EGFR: variants seen among roughly 807,000 people sequenced by gnomAD.
EGFR encodes epidermal growth factor receptor, also known as avian erythroblastic leukemia viral (v-erb-b) oncogene homolog.
A neutral mutation model predicts 143.0 loss-of-function variants in EGFR; 58 were observed. The ratio of observed to expected loss-of-function variants is 0.41; its 90% CI spans 0.33 to 0.50. The LOEUF is 0.50. EGFR is among the 20% of genes least tolerant of loss of function. The pLI is 0.39. For synonymous variants in EGFR, 613 were observed against 594.4 expected, an observed-to-expected ratio of 1.03 and a Z score of -0.45; for missense variants, 1,307 against 1,579.0, an observed-to-expected ratio of 0.83 and a Z score of 2.92.
chr7:55,138,155 G>A (rs1295384577), intron 1 of EGFR, among the ~76,000 whole-genome samples: 1 of 152,170 alleles, frequency 6.6e-6, no homozygotes, highest in African/African-American at 2.4e-5. Context: ...CTAACATAAG[G>A]ATGTTTGCGG....
At chr7:55,202,948 T>C in intron 27 of EGFR, 1 of 585,006 alleles carries the variant, frequency 1.7e-6, no homozygotes, top group South Asian at 2.2e-5. Flanking sequence ...TGTATGTGTG[T>C]GTGTGTATGT....
At chr7:55,184,455 G>T (rs1180170398) in intron 20 of EGFR, among the ~76,000 whole-genome samples, 1 of 152,198 alleles carries the variant, frequency 6.6e-6, no homozygotes, top group Non-Finnish European at 1.5e-5. Context: ...TAGATAAGTG[G>T]AGGTTTATTT....
intron 4 of EGFR, among the ~76,000 whole-genome samples, chr7:55,149,450 G>T (rs1005284656): frequency 6.6e-6 from 1 of 152,066 alleles, no homozygotes. Flanking sequence ...GTAATAAGTA[G>T]GTCAAAATAG....
chr7:55,188,893 T>C (rs1443385041), intron 20 of EGFR: 3 of 152,300 alleles, frequency 2.0e-5, no homozygotes, highest in East Asian at 1.9e-4. Flanking sequence ...CTCTGCCCTT[T>C]CCCACGCCTT....
At chr7:55,093,959 T>C (rs1791287974) in intron 1 of EGFR, among the ~76,000 whole-genome samples, 3 of 152,136 alleles carry the variant, frequency 2.0e-5, no homozygotes, top group Non-Finnish European at 4.4e-5. Context: ...GCATCAGTTA[T>C]GTTGTGATGG....
At chr7:55,188,066 G>A (rs1787222057) in intron 20 of EGFR, among the ~76,000 whole-genome samples, 1 of 152,168 alleles carries the variant, frequency 6.6e-6, no homozygotes, top group Non-Finnish European at 1.5e-5. Context: ...TTCTGGTAGA[G>A]GTGGGTTATT....
chr7:55,055,133 C>T (rs77281410), intron 1 of EGFR, among the ~76,000 whole-genome samples: 267 of 152,310 alleles, frequency 1.8e-3, no homozygotes, highest in African/African-American at 6.2e-3. Flanking sequence ...CCCGTACCAG[C>T]CCCTGTGAGA....
intron 1 of EGFR, among the ~76,000 whole-genome samples, chr7:55,109,027 T>G (rs1441553107): frequency 6.6e-6 from 1 of 152,128 alleles, no homozygotes; most frequent in Admixed American, 6.5e-5. Flanking sequence ...GAGACTGCAA[T>G]AGAGTGATAC....
rs375700897 is a variant in EGFR, at chr7:55,156,863, T to C, written c.1207+31T>C. The C allele has an allele frequency of 3.1e-6, 5 of 1,614,068 alleles. No homozygotes were observed. The African/African-American group carries it at 6.7e-5, about 22-fold the overall frequency. ...AGCTGAATTATCACATGAATATAAA[T>C]GGGAAATCAGTGTTTTAGAGAGAGA... On this transcript the variant is annotated intron_variant, in intron 10 of 27. Transcript: ENST00000275493.
At chr7:55,205,151 C>CATA in intron 27 of EGFR, 105 bp from the exon 28 acceptor site, 1 of 1,532,740 alleles carries the variant, frequency 6.5e-7, no homozygotes, top group Non-Finnish European at 8.8e-7. Flanking sequence ...TGCTCCCTGT[C>CATA]ATAAGTCTCC....
At chr7:55,073,630 T>C (rs1439553648) in intron 1 of EGFR, among the ~76,000 whole-genome samples, 2 of 152,226 alleles carry the variant, frequency 1.3e-5, no homozygotes, top group Non-Finnish European at 2.9e-5. Context: ...GTTATGGGCA[T>C]TTATAGCTAT....
intron 1 of EGFR, among the ~76,000 whole-genome samples, chr7:55,085,861 T>G (rs1342766587): frequency 1.3e-5 from 2 of 152,196 alleles, no homozygotes; most frequent in African/African-American, 4.8e-5. Context: ...ACTGATGCAG[T>G]GGCAGAAGTA....
chr7:55,205,897 T>TG lies in EGFR; in HGVS notation c.*281dup, dbSNP rs1788090574. On this transcript the variant is annotated 3_prime_UTR_variant, in exon 28 of 28. Transcript: ENST00000275493. ...AATTTATCTTTCAAAGAGGTATATTTGAAAAAAAAAAAAAGTATATGTGAG... is the reference window on the plus strand; with the variant it reads ...AATTTATCTTTCAAAGAGGTATATTTGGAAAAAAAAAAAAAGTATATGTGAG... The TG allele has an allele frequency of 6.7e-6, 3 of 449,730 alleles. No individual in the cohort carries two copies. The highest frequency in any genetic ancestry group is 3.8e-6 in the Non-Finnish European group (1 of 264,388). 27.9% of individuals were successfully genotyped at this position (449,730 alleles called of 1,614,324 possible).
chr7:55,071,870 T>C (rs893475565), intron 1 of EGFR, among the ~76,000 whole-genome samples: 4 of 152,218 alleles, frequency 2.6e-5, no homozygotes, highest in African/African-American at 9.6e-5. Context: ...AGCTTATCTC[T>C]TTAAAGACAA....
At chr7:55,137,591 C>T (rs1354563941) in intron 1 of EGFR, among the ~76,000 whole-genome samples, 1 of 152,188 alleles carries the variant, frequency 6.6e-6, no homozygotes, top group East Asian at 1.9e-4. Context: ...AGACCACCGG[C>T]CCGCCCTAGA....
rs1791886158 is a variant in EGFR at position 55,102,437 on chromosome 7, T to A, written c.89-39849T>A. Among the ~76,000 whole-genome samples, 3 of 152,320 alleles carry A rather than the reference T, an allele frequency of 2.0e-5. No homozygotes were observed. The South Asian group carries it at 6.2e-4, about 32-fold the overall frequency. ...GGACTATGTCTAACTCAACTCTGCTTTAAAAGCAGCTAACACATTGCTCTT... is the reference window on the plus strand; with the variant it reads ...GGACTATGTCTAACTCAACTCTGCTATAAAAGCAGCTAACACATTGCTCTT... On this transcript the variant is annotated intron_variant, in intron 1 of 27. Transcript: ENST00000275493.
At chr7:55,092,721 A>G (rs1272164462) in intron 1 of EGFR, among the ~76,000 whole-genome samples, 1 of 152,246 alleles carries the variant, frequency 6.6e-6, no homozygotes, top group Non-Finnish European at 1.5e-5. Flanking sequence ...TGACAGGCAG[A>G]TGAACATCAT....
chr7:55,209,802 AT>A lies in EGFR; in HGVS notation c.*4186del, dbSNP rs1219373925. The A allele has an allele frequency of 6.6e-6, 1 of 152,204 alleles. No homozygotes were observed. The highest frequency in any genetic ancestry group is 1.5e-5 in the Non-Finnish European group (1 of 68,034). 9.4% of individuals were successfully genotyped at this position (152,204 alleles called of 1,614,324 possible). ...TATGTAGCACTGAACTTTGTACAATATATTTTTAGAAACTCATTTTTCTACT... is the reference window on the plus strand; with the variant it reads ...TATGTAGCACTGAACTTTGTACAATAATTTTTAGAAACTCATTTTTCTACT... On this transcript the variant is annotated 3_prime_UTR_variant, in exon 28 of 28. Transcript: ENST00000275493.
chr7:55,060,936 A>G (rs1789129420), intron 1 of EGFR, among the ~76,000 whole-genome samples: 3 of 152,168 alleles, frequency 2.0e-5, no homozygotes, highest in Admixed American at 2.0e-4. Context: ...TGTTACTTGG[A>G]CATGGCCAAG....
Sources: gnomAD v4.1 joint callset for allele counts (sites outside exome capture counted in the v4.1 genomes callset) on GRCh38, gnomAD v4.1.1 for gene constraint, MANE v1.5 for transcripts, NCBI Gene and HGNC (gene_info 2026-07-23, HGNC 2026-07-21) for gene names.